The following GRB10 variants were observed in gnomAD, a reference collection of about 807,000 sequenced individuals.
GRB10 encodes the protein growth factor receptor-bound protein 10.
A neutral mutation model predicts 80.9 loss-of-function variants in GRB10; 20 were observed. That is an observed-to-expected ratio of 0.25 (90% confidence interval 0.17 to 0.36). GRB10 has a LOEUF of 0.36. Ranked by LOEUF, GRB10 falls within the 10% of genes least tolerant of loss-of-function variation. GRB10 has a pLI of 1.00. For missense variants in GRB10, 548 were observed against 747.7 expected, an observed-to-expected ratio of 0.73 and a Z score of 3.12; for synonymous variants, 291 against 291.5, an observed-to-expected ratio of 1.00 and a Z score of 0.02.
intron 4 of GRB10, among the ~76,000 whole-genome samples, chr7:50,707,173 T>C (rs2065150105): frequency 6.6e-6 from 1 of 152,250 alleles, no homozygotes; most frequent in Non-Finnish European, 1.5e-5. Context: ...CATTTGTGTT[T>C]TACTCTGATT....
intron 2 of GRB10, among the ~76,000 whole-genome samples, chr7:50,766,624 G>A (rs570758936): frequency 1.3e-5 from 2 of 152,060 alleles, no homozygotes; most frequent in African/African-American, 4.8e-5. Flanking sequence ...GTGGAGAGGC[G>A]TGCACAGTTG....
At chr7:50,780,257 A>C (rs1231983044) in intron 2 of GRB10, among the ~76,000 whole-genome samples, 1 of 152,280 alleles carries the variant, frequency 6.6e-6, no homozygotes, top group East Asian at 1.9e-4. Context: ...ATGGTCCATC[A>C]CACCAGTTCT....
At chr7:50,601,671 G>GAA (rs558025714) in intron 17 of GRB10, among the ~76,000 whole-genome samples, 5 of 144,750 alleles carry the variant, frequency 3.5e-5, no homozygotes, top group African/African-American at 1.3e-4. Flanking sequence ...ATCATCAGAG[G>GAA]AAAAAAAAAA....
Position 50,684,267 on chromosome 7 carries a change from C to CAAAAAAAAAAAAAAA in GRB10, c.140-9624_140-9610dup, listed in dbSNP as rs386410128. 1.6e-4 allele frequency among the ~76,000 whole-genome samples: 10 copies of CAAAAAAAAAAAAAAA among 62,300 alleles called. 1 individual carries two copies. The highest frequency in any genetic ancestry group is 7.1e-4 in the African/African-American group (10 of 14,182). The allele number at this position is 62,300 out of a possible 152,430, so 40.9% of individuals were successfully genotyped here. A position where few individuals can be genotyped will look rare whatever the true frequency, so the allele number is the denominator to read the frequency against. ...CAGACAACTGCAACTCAATCATCAC[C>CAAAAAAAAAAAAAAA]AAAAAAAAAAAAAAAAAAAAAGGTA... On this transcript the variant is annotated intron_variant, in intron 5 of 18. Transcript: ENST00000401949.
chr7:50,772,244 A>C (rs1483374779), intron 2 of GRB10, among the ~76,000 whole-genome samples: 1 of 152,224 alleles, frequency 6.6e-6, no homozygotes, highest in African/African-American at 2.4e-5. Context: ...CAAAATGGCC[A>C]CTAGGTCTGG....
chr7:50,696,160 T>C (rs894814539), intron 5 of GRB10, among the ~76,000 whole-genome samples: 3 of 152,218 alleles, frequency 2.0e-5, no homozygotes, highest in Non-Finnish European at 4.4e-5. Context: ...TTGAAATGGA[T>C]ATACATGCAC....
chr7:50,779,304 A>G (rs1466266160), intron 2 of GRB10: 5 of 152,216 alleles, frequency 3.3e-5, no homozygotes. Flanking sequence ...ACCAAGACCA[A>G]CTAAATTAGA....
intron 6 of GRB10, among the ~76,000 whole-genome samples, chr7:50,670,924 T>C (rs2060293146): frequency 6.6e-6 from 1 of 152,200 alleles, no homozygotes; most frequent in Non-Finnish European, 1.5e-5. Context: ...TCTACTTTCC[T>C]GGCACATCTC....
intron 10 of GRB10, among the ~76,000 whole-genome samples, chr7:50,616,832 G>T (rs1005838612): frequency 6.6e-6 from 1 of 152,228 alleles, no homozygotes; most frequent in Non-Finnish European, 1.5e-5. Context: ...CTTCCCACAG[G>T]CAGCCTTAAG....
chr7:50,657,273 T>C (rs1269400817), intron 7 of GRB10, among the ~76,000 whole-genome samples: 1 of 152,232 alleles, frequency 6.6e-6, no homozygotes, highest in Non-Finnish European at 1.5e-5. Flanking sequence ...ATACTGTTTT[T>C]GTGCCAGTTC....
intron 2 of GRB10, among the ~76,000 whole-genome samples, chr7:50,759,523 C>T (rs920604604): frequency 5.3e-5 from 8 of 152,102 alleles, no homozygotes; most frequent in Non-Finnish European, 1.2e-4. Flanking sequence ...CACTTTAAAA[C>T]ATTTCTAGAT....
At chr7:50,704,143 G>C (rs939743347) in intron 4 of GRB10, among the ~76,000 whole-genome samples, 1 of 152,178 alleles carries the variant, frequency 6.6e-6, no homozygotes, top group Non-Finnish European at 1.5e-5. Context: ...CTGTGTTTGG[G>C]CTTAAATAGC....
intron 4 of GRB10, among the ~76,000 whole-genome samples, chr7:50,719,986 C>T (rs903982561): frequency 1.3e-5 from 2 of 152,026 alleles, no homozygotes; most frequent in African/African-American, 2.4e-5. Flanking sequence ...CTGCTGGGAG[C>T]GGGGCTGAAA....
intron 7 of GRB10, among the ~76,000 whole-genome samples, chr7:50,642,099 T>A (rs2056363599): frequency 6.6e-6 from 1 of 152,200 alleles, no homozygotes; most frequent in Non-Finnish European, 1.5e-5. Context: ...CTAGCTGTTC[T>A]GGGTCCTGTT....
At chr7:50,767,029 G>A (rs1176561779) in intron 2 of GRB10, among the ~76,000 whole-genome samples, 1 of 152,188 alleles carries the variant, frequency 6.6e-6, no homozygotes, top group African/African-American at 2.4e-5. Context: ...GCACAAGATT[G>A]AAAACTGACA....
intron 2 of GRB10, among the ~76,000 whole-genome samples, chr7:50,759,314 G>A (rs568521305): frequency 6.6e-6 from 1 of 152,204 alleles, no homozygotes; most frequent in South Asian, 2.1e-4. Flanking sequence ...TGGTGAAGAT[G>A]ATAGAACAGG....
At chr7:50,596,780 C>A (rs776226224) in intron 17 of GRB10, among the ~76,000 whole-genome samples, 7 of 152,034 alleles carry the variant, frequency 4.6e-5, no homozygotes, top group Non-Finnish European at 8.8e-5. Context: ...GGTATCTGGG[C>A]GAAGTGTGTA....
intron 7 of GRB10, among the ~76,000 whole-genome samples, chr7:50,643,908 T>C (rs1436674036): frequency 6.6e-6 from 1 of 152,222 alleles, no homozygotes; most frequent in Admixed American, 6.5e-5. Flanking sequence ...GCAACTTCTC[T>C]ATACATTTGA....
chr7:50,778,463 G>A (rs1299358842), intron 2 of GRB10, among the ~76,000 whole-genome samples: 2 of 152,188 alleles, frequency 1.3e-5, no homozygotes, highest in African/African-American at 4.8e-5. Flanking sequence ...ATTCAAAAAT[G>A]TCTTTGCTAT....
Sources: allele counts gnomAD v4.1 joint callset (sites outside exome capture counted in the v4.1 genomes callset), GRCh38; gene constraint gnomAD v4.1.1; transcripts MANE v1.5; gene names NCBI Gene and HGNC (gene_info 2026-07-23, HGNC 2026-07-21).